The following SEPHS1 variants were observed in gnomAD, a reference collection of about 807,000 sequenced individuals.
SEPHS1 encodes zincore component SEPHS1.
A neutral mutation model predicts 39.2 loss-of-function variants in SEPHS1; 7 were observed. The ratio of observed to expected loss-of-function variants is 0.18; its 90% confidence interval spans 0.10 to 0.34. The LOEUF is 0.34. SEPHS1 is among the 10% of genes least tolerant of loss of function. The pLI is 1.00. For missense variants in SEPHS1, 253 were observed against 514.5 expected, an observed-to-expected ratio of 0.49 and a Z score of 4.92; for synonymous variants, 190 against 195.5, an observed-to-expected ratio of 0.97 and a Z score of 0.23.
Position 13,333,840 on chromosome 10 carries a change from G to A in SEPHS1, c.537C>T (p.Val179=), listed in dbSNP as rs779254732. 25 of 1,613,588 alleles carry A rather than the reference G, an allele frequency of 1.5e-5. No individual in the cohort carries two copies. The highest frequency in any genetic ancestry group is 2.0e-5 in the Non-Finnish European group (24 of 1,179,956). The change falls in exon 5 of 9, where the codon GTC becomes GTT. Residue 179 remains valine (V), a synonymous_variant. Coordinates refer to ENST00000327347, the MANE Select transcript of SEPHS1 (RefSeq NM_012247.5). ...WIVLGGVATT[V]CQPNEFIMPD... Reference sequence around the variant, plus strand: ...ACATGATAAATTCATTGGGTTGGCAGACAGTGGTAGCCACTCCTCCCAGGA... The same window carrying A: ...ACATGATAAATTCATTGGGTTGGCAAACAGTGGTAGCCACTCCTCCCAGGA...
At chr10:13,326,263 CAG>C (rs535416304) in intron 7 of SEPHS1, among the ~76,000 whole-genome samples, 130 of 152,112 alleles carry the variant, frequency 8.5e-4, no homozygotes, top group African/African-American at 3.1e-3. Flanking sequence ...ATCACAAGGT[CAG>C]GGGTTCAAGA....
chr10:13,336,514 T>A lies in SEPHS1; in HGVS notation c.298-164A>T, dbSNP rs1319623776. ...CTATGATTTGCAGACTGGCAACCTTTCCTGCATCACAGAGTCACTAGGCCA... is the reference window on the plus strand; with the variant it reads ...CTATGATTTGCAGACTGGCAACCTTACCTGCATCACAGAGTCACTAGGCCA... On this transcript the variant is annotated intron_variant, in intron 3 of 8. Transcript: ENST00000327347. 4.6e-6 allele frequency: 3 copies of A among 651,070 alleles called. No homozygotes were observed. In the East Asian group the frequency reaches 8.2e-5, roughly 18 times the overall value. The allele number at this position is 651,070 out of a possible 1,614,324, so 40.3% of individuals were successfully genotyped here.
Position 13,333,921 on chromosome 10 carries a change from A to G in SEPHS1, c.456T>C (p.Ala152=). The change falls in exon 5 of 9, where the codon GCT becomes GCC. Residue 152 remains alanine (A), a synonymous_variant. Coordinates refer to ENST00000327347, the MANE Select transcript of SEPHS1 (RefSeq NM_012247.5). ...PLIIQGFKDA[A]EEAGTSVTGG... ...CTGTTACAGATGTTCCTGCTTCCTCAGCTGCGTCTTTAAAACCTTGGATAA... is the reference window on the plus strand; with the variant it reads ...CTGTTACAGATGTTCCTGCTTCCTCGGCTGCGTCTTTAAAACCTTGGATAA... The G allele has an allele frequency of 1.9e-6, 3 of 1,614,024 alleles. No individual in the cohort carries two copies. Among genetic ancestry groups the G allele is most frequent in the Non-Finnish European group, 2.5e-6 (3 of 1,179,872 alleles).
intron 8 of SEPHS1, among the ~76,000 whole-genome samples, chr10:13,320,327 G>A (rs569151016): frequency 1.3e-5 from 2 of 151,690 alleles, no homozygotes; most frequent in South Asian, 2.1e-4. Flanking sequence ...GACTACAGGC[G>A]CCCGCCACCA....
chr10:13,321,271 G>C (rs538960674), intron 8 of SEPHS1, among the ~76,000 whole-genome samples: 10 of 150,458 alleles, frequency 6.6e-5, no homozygotes, highest in African/African-American at 9.8e-5. Flanking sequence ...TTTTGAGACA[G>C]AGTCTCACTC....
chr10:13,337,060 A>G (rs1833657818), intron 3 of SEPHS1, among the ~76,000 whole-genome samples: 1 of 152,220 alleles, frequency 6.6e-6, no homozygotes. Context: ...CTGAGGCATG[A>G]GAATTGCTTG....
In SEPHS1 at chr10:13,327,875, T is replaced by C. The variant is rs186044549; in HGVS notation, c.751+476A>G. The stretch of plus-strand genomic sequence containing the variant: ...ACAAGTAAAAAAAATGCAAAACTAA[T>C]TTGCTGCTTAAGAACACAAGGGCTG... On this transcript the variant is annotated intron_variant, in intron 7 of 8. Transcript: ENST00000327347. Among the ~76,000 whole-genome samples the C allele has an allele frequency of 4.4e-3, 668 of 152,270 alleles. 3 individuals carry two copies. The highest frequency in any genetic ancestry group is 6.8e-3 in the Non-Finnish European group (463 of 68,026).
At chr10:13,347,549 G>A (rs1047334018) in intron 1 of SEPHS1, among the ~76,000 whole-genome samples, 5 of 146,894 alleles carry the variant, frequency 3.4e-5, no homozygotes, top group Non-Finnish European at 6.1e-5. Flanking sequence ...GAGCCGGGGA[G>A]GACGCCGGGA....
Position 13,318,991 on chromosome 10 carries a change from T to A in SEPHS1, c.*151A>T. On this transcript the variant is annotated 3_prime_UTR_variant, in exon 9 of 9. Transcript: ENST00000327347. Reference sequence around the variant, plus strand: ...AACAGGAAAAAAAGGCAATGGATTTTATTTTATTAATTGTATCCACTTACA... The same window carrying A: ...AACAGGAAAAAAAGGCAATGGATTTAATTTTATTAATTGTATCCACTTACA... The A allele has an allele frequency of 1.4e-6, 1 of 695,462 alleles. No homozygotes were observed. The highest frequency in any genetic ancestry group is 2.4e-6 in the Non-Finnish European group (1 of 415,108). The allele number at this position is 695,462 out of a possible 1,614,324, so 43.1% of individuals were successfully genotyped here.
At chr10:13,324,475 A>G (rs1018980745) in intron 7 of SEPHS1, among the ~76,000 whole-genome samples, 1 of 152,232 alleles carries the variant, frequency 6.6e-6, no homozygotes, top group African/African-American at 2.4e-5. Context: ...GCTGCATCAT[A>G]TAATAACATA....
intron 2 of SEPHS1, among the ~76,000 whole-genome samples, chr10:13,342,895 C>T (rs1054775481): frequency 6.6e-6 from 1 of 151,980 alleles, no homozygotes; most frequent in Admixed American, 6.6e-5. Flanking sequence ...ACCAGCAAGC[C>T]CAGGTAACTT....
At chr10:13,322,056 T>C in intron 8 of SEPHS1, 1 of 456,034 alleles carries the variant, frequency 2.2e-6, no homozygotes, top group Non-Finnish European at 4.4e-6. Context: ...TCTAATAAAT[T>C]ACTGCACATC....
In SEPHS1 at chr10:13,318,485, T is replaced by A. The variant is rs1833008294; in HGVS notation, c.*657A>T. 6.6e-6 allele frequency: 1 copy of A among 152,640 alleles called. No homozygotes were observed. Among genetic ancestry groups the A allele is most frequent in the African/African-American group, 2.4e-5 (1 of 41,442 alleles). The allele number at this position is 152,640 out of a possible 1,614,324, so 9.5% of individuals were successfully genotyped here. ...GATAAAACAGTTAATGGTATTACTG[T>A]AAATATCAGGAAGGCTACAAAAAAA... On this transcript the variant is annotated 3_prime_UTR_variant, in exon 9 of 9. Transcript: ENST00000327347.
chr10:13,346,724 A>C (rs920467530), intron 1 of SEPHS1, among the ~76,000 whole-genome samples: 1 of 152,154 alleles, frequency 6.6e-6, no homozygotes, highest in African/African-American at 2.4e-5. Flanking sequence ...CCAGGAAAAA[A>C]AAAAGAAAAA....
chr10:13,345,104 T>C (rs1833886753), intron 1 of SEPHS1, 76 bp from the exon 2 acceptor site: 1 of 608,666 alleles, frequency 1.6e-6, no homozygotes, highest in African/African-American at 1.9e-5. Context: ...AGTGAATACA[T>C]GACAGCGAAA....
chr10:13,334,310 G>A (rs1416008457), intron 4 of SEPHS1, among the ~76,000 whole-genome samples: 2 of 152,180 alleles, frequency 1.3e-5, no homozygotes, highest in Non-Finnish European at 2.9e-5. Context: ...GGAGGCTGAG[G>A]CGGGCAGATC....
intron 1 of SEPHS1, among the ~76,000 whole-genome samples, chr10:13,346,989 AT>A (rs1236090678): frequency 1.3e-5 from 2 of 151,874 alleles, no homozygotes; most frequent in Non-Finnish European, 2.9e-5. Flanking sequence ...AGATTCTTAC[AT>A]TTTTGGAGGG....
intron 6 of SEPHS1, 53 bp from the exon 7 acceptor site, chr10:13,328,503 C>T: frequency 1.6e-6 from 2 of 1,272,436 alleles, no homozygotes. Context: ...TGTGATTAAT[C>T]TTTACTTCTA....
intron 7 of SEPHS1, among the ~76,000 whole-genome samples, chr10:13,323,787 G>A (rs1457280250): frequency 2.0e-5 from 3 of 150,748 alleles, no homozygotes. Context: ...TATTGACCAG[G>A]CTGGAGTGCA....
Sources: gnomAD v4.1 joint callset for allele counts (sites outside exome capture counted in the v4.1 genomes callset) on GRCh38, gnomAD v4.1.1 for gene constraint, MANE v1.5 for transcripts, NCBI Gene and HGNC (gene_info 2026-07-23, HGNC 2026-07-21) for gene names.